The following DSCAM variants were observed in gnomAD, a reference collection of about 807,000 sequenced individuals.
DSCAM encodes cell adhesion molecule DSCAM.
A neutral mutation model predicts 217.7 loss-of-function variants in DSCAM; 47 were observed. The observed-to-expected ratio is 0.22, with a 90% CI of 0.17 to 0.28. The LOEUF is 0.28. Ranked by LOEUF, DSCAM falls within the 10% of genes least tolerant of loss-of-function variation. The pLI, the probability that DSCAM is intolerant of heterozygous loss-of-function variation, is 1.00. For missense variants in DSCAM, 2,080 were observed against 2,618.3 expected, an observed-to-expected ratio of 0.79 and a Z score of 4.49; for synonymous variants, 1,056 against 1,015.3, an observed-to-expected ratio of 1.04 and a Z score of -0.76.
rs114011346 is a variant in DSCAM at position 40,124,426 on chromosome 21, C to T, written c.3563-98G>A. On this transcript the variant is annotated intron_variant, in intron 19 of 32. Transcript: ENST00000400454. ...ACCCCACTCCGCACTTACTGTTCAG[C>T]TCTTTCAGGATGAGCGTTATGGGTT... 138 of 1,503,794 alleles carry T rather than the reference C, an allele frequency of 9.2e-5. No homozygotes were observed. In the African/African-American group the frequency reaches 1.5e-3, roughly 16 times the overall value. The allele number at this position is 1,503,794 out of a possible 1,614,324, so 93.2% of individuals were successfully genotyped here.
At chr21:40,225,078 G>T (rs188963322) in intron 11 of DSCAM, among the ~76,000 whole-genome samples, 16 of 152,320 alleles carry the variant, frequency 1.1e-4, no homozygotes, top group African/African-American at 3.4e-4. Context: ...TTGTGTACTG[G>T]TAAACACTGA....
intron 11 of DSCAM, among the ~76,000 whole-genome samples, chr21:40,264,644 A>G (rs2073498286): frequency 6.6e-6 from 1 of 152,218 alleles, no homozygotes; most frequent in Non-Finnish European, 1.5e-5. Flanking sequence ...CAACTGAAGC[A>G]AGACAACGAT....
intron 32 of DSCAM, among the ~76,000 whole-genome samples, chr21:40,017,637 C>T (rs865933556): frequency 1.3e-5 from 2 of 151,298 alleles, no homozygotes; most frequent in African/African-American, 2.5e-5. Flanking sequence ...GCCACAACCT[C>T]CACCTCCCGG....
At chr21:40,270,999 T>C (rs1222474972) in intron 11 of DSCAM, among the ~76,000 whole-genome samples, 4 of 151,138 alleles carry the variant, frequency 2.6e-5, no homozygotes, top group African/African-American at 9.7e-5. Flanking sequence ...GCCCAACATA[T>C]CTGCCCTGGC....
At chr21:40,464,823 C>T (rs1325299258) in intron 3 of DSCAM, among the ~76,000 whole-genome samples, 1 of 151,776 alleles carries the variant, frequency 6.6e-6, no homozygotes, top group Non-Finnish European at 1.5e-5. Context: ...TCACTGCAAC[C>T]TCTGCCTCCC....
rs573484462 is a variant in DSCAM at position 40,578,312 on chromosome 21, T to C, written c.508+114498A>G. Among the ~76,000 whole-genome samples, 111 of 152,190 alleles carry C rather than the reference T, an allele frequency of 7.3e-4. 1 individual carries two copies. Among genetic ancestry groups the C allele is most frequent in the African/African-American group, 2.5e-3 (102 of 41,518 alleles). ...AAGTCAGTTGGGCTTCTGGGTAGGGTGGGGACTTGGAGAACTTTTGCATCT... is the reference window on the plus strand; with the variant it reads ...AAGTCAGTTGGGCTTCTGGGTAGGGCGGGGACTTGGAGAACTTTTGCATCT... On this transcript the variant is annotated intron_variant, in intron 3 of 32. Coordinates refer to ENST00000400454, the MANE Select transcript of DSCAM (RefSeq NM_001389.5).
intron 3 of DSCAM, among the ~76,000 whole-genome samples, chr21:40,651,793 G>A (rs2090017553): frequency 6.6e-6 from 1 of 152,184 alleles, no homozygotes; most frequent in Non-Finnish European, 1.5e-5. Context: ...AATACATTAT[G>A]TTTGCTTTAA....
At chr21:40,832,790 T>C (rs2092022227) in intron 1 of DSCAM, among the ~76,000 whole-genome samples, 1 of 152,188 alleles carries the variant, frequency 6.6e-6, no homozygotes, top group Non-Finnish European at 1.5e-5. Flanking sequence ...CAATGAGCCA[T>C]GGTAATCTGC....
At chr21:40,187,367 A>G (rs1215819115) in intron 13 of DSCAM, 108 bp from the exon 14 acceptor site, 14 of 1,368,350 alleles carry the variant, frequency 1.0e-5, no homozygotes, top group Non-Finnish European at 1.4e-5. Context: ...GCATTAGACA[A>G]GAACAGAAGC....
At chr21:40,802,548 A>G (rs766571777) in intron 1 of DSCAM, among the ~76,000 whole-genome samples, 13 of 152,206 alleles carry the variant, frequency 8.5e-5, no homozygotes, top group Admixed American at 3.3e-4. Flanking sequence ...TTAATCCCCA[A>G]TGTGGCAGTA....
intron 18 of DSCAM, among the ~76,000 whole-genome samples, chr21:40,137,702 T>C (rs545143424): frequency 7.2e-5 from 11 of 152,080 alleles, no homozygotes; most frequent in Non-Finnish European, 1.5e-4. Context: ...TAAAAAAATA[T>C]ATAAAATAAA....
chr21:40,737,671 G>C (rs983390448), intron 1 of DSCAM, among the ~76,000 whole-genome samples: 1 of 152,166 alleles, frequency 6.6e-6, no homozygotes, highest in Non-Finnish European at 1.5e-5. Context: ...CTGGGTTCAT[G>C]TGTCATGACT....
At chr21:40,258,375 T>A (rs1188697315) in intron 11 of DSCAM, among the ~76,000 whole-genome samples, 1 of 152,198 alleles carries the variant, frequency 6.6e-6, no homozygotes, top group African/African-American at 2.4e-5. Context: ...CCAAGCTGAA[T>A]GTCCAACTAA....
chr21:40,453,131 ATAAG>A (rs1292182143), intron 3 of DSCAM, among the ~76,000 whole-genome samples: 16 of 151,784 alleles, frequency 1.1e-4, no homozygotes, highest in Non-Finnish European at 1.9e-4. Flanking sequence ...GCAAACACAC[ATAAG>A]TAATATCACA....
intron 1 of DSCAM, among the ~76,000 whole-genome samples, chr21:40,772,248 T>C (rs2091451769): frequency 6.6e-6 from 1 of 152,176 alleles, no homozygotes; most frequent in Non-Finnish European, 1.5e-5. Context: ...GGTTCATTGC[T>C]ACCTCCACCT....
At chr21:40,114,222 C>T (rs77470249) in intron 20 of DSCAM, among the ~76,000 whole-genome samples, 22,530 of 135,160 alleles carry the variant, frequency 0.17, 2,047 homozygotes, top group East Asian at 0.22. Context: ...GAGATATAGA[C>T]CAATGGAACA....
At chr21:40,509,941 A>G (rs1335566467) in intron 3 of DSCAM, among the ~76,000 whole-genome samples, 1 of 152,038 alleles carries the variant, frequency 6.6e-6, no homozygotes, top group Non-Finnish European at 1.5e-5. Flanking sequence ...TGGCTAACAC[A>G]GTGAAACCCC....
At chr21:40,800,180 GC>G (rs1287871634) in intron 1 of DSCAM, among the ~76,000 whole-genome samples, 2 of 152,192 alleles carry the variant, frequency 1.3e-5, no homozygotes, top group South Asian at 2.1e-4. Context: ...ACAAAATGCA[GC>G]CCCTTGACCT....
chr21:40,272,130 G>T (rs2073626222), intron 11 of DSCAM, among the ~76,000 whole-genome samples: 1 of 151,660 alleles, frequency 6.6e-6, no homozygotes, highest in Non-Finnish European at 1.5e-5. Flanking sequence ...GTTCCTGGTT[G>T]GGGGAAGGGG....
Sources: gnomAD v4.1 joint callset for allele counts (sites outside exome capture counted in the v4.1 genomes callset) on GRCh38, gnomAD v4.1.1 for gene constraint, MANE v1.5 for transcripts, NCBI Gene and HGNC (gene_info 2026-07-23, HGNC 2026-07-21) for gene names.